Variants in IQSEC1 observed in about 807,000 individuals in gnomAD.
IQSEC1 encodes the protein IQ motif and SEC7 domain-containing protein 1.
A neutral mutation model predicts 91.0 loss-of-function variants in IQSEC1; 31 were observed. The observed-to-expected ratio is 0.34, with a 90% confidence interval of 0.26 to 0.46. The LOEUF is 0.46. Among genes scored for constraint, IQSEC1 ranks in the 20% least tolerant of loss-of-function variants. The pLI is 1.00. For synonymous variants in IQSEC1, 699 were observed against 662.6 expected (o/e 1.05, Z -0.84); for missense variants, 1,388 against 1,575.6 (o/e 0.88, Z 2.02).
At chr3:13,112,054 C>T (rs1488749203) in intron 2 of IQSEC1, among the ~76,000 whole-genome samples, 2 of 152,216 alleles carry the variant, frequency 1.3e-5, no homozygotes, top group Non-Finnish European at 2.9e-5. Context: ...CCGCTTTGCA[C>T]ACGCTGTTCC....
At chr3:13,022,909 GC>G (rs572605007) in intron 1 of IQSEC1, among the ~76,000 whole-genome samples, 34 of 152,384 alleles carry the variant, frequency 2.2e-4, no homozygotes, top group African/African-American at 4.3e-4. Context: ...GGCGTGGTCA[GC>G]CCCCTCCGGC....
chr3:13,073,149 G>A lies in IQSEC1; in HGVS notation c.-135C>T, dbSNP rs977592507. 4.7e-6 allele frequency: 5 copies of A among 1,058,014 alleles called. No individual in the cohort carries two copies. Among genetic ancestry groups the A allele is most frequent in the Admixed American group, 2.1e-5 (1 of 48,126 alleles). The allele number at this position is 1,058,014 out of a possible 1,614,324, so 65.5% of individuals were successfully genotyped here. A position where few individuals can be genotyped will look rare whatever the true frequency, so the allele number is the denominator to read the frequency against. ...AAATCGCGGGGCGAGTCACATTCCC[G>A]GGGGTGGCGGGCTCCTCCAGGGAGG... On this transcript the variant is annotated 5_prime_UTR_variant, in exon 1 of 14. Transcript: ENST00000613206.
upstream of IQSEC1, among the ~76,000 whole-genome samples, chr3:13,075,028 C>T (rs935652943): frequency 6.6e-6 from 1 of 152,154 alleles, no homozygotes; most frequent in Non-Finnish European, 1.5e-5. Flanking sequence ...AACTGCATGA[C>T]GCTTCCCGAT....
Position 12,935,156 on chromosome 3 carries a change from G to T in IQSEC1, c.1568+292C>A, listed in dbSNP as rs3773325. On this transcript the variant is annotated intron_variant, in intron 3 of 13. Transcript: ENST00000613206. The surrounding 1 kb of genome is among the most constrained non-coding windows in gnomAD (Gnocchi z 8.0). ...TACCCCACTTGCTATGGCGGACTTG[G>T]GGGGGATGGGACGGAAGGGCCCGGG... 1.3e-5 allele frequency among the ~76,000 whole-genome samples: 2 copies of T among 152,108 alleles called. No individual in the cohort carries two copies. The highest frequency in any genetic ancestry group is 4.8e-5 in the African/African-American group (2 of 41,438).
In IQSEC1 at chr3:12,936,484, A is replaced by C. The variant is rs1379438887; in HGVS notation, c.532T>G (p.Phe178Val). 1 of 1,612,904 alleles carries C rather than the reference A, an allele frequency of 6.2e-7. No homozygotes were observed. The highest frequency in any genetic ancestry group is 8.5e-7 in the Non-Finnish European group (1 of 1,179,568). ...EGPEKVHSSY[F>V]EGKQVSVTND... ...GTCACTGAGACCTGCTTCCCCTCGA[A>C]GTAGGAGCTGTGCACTTTCTCAGGC... is the stretch of plus-strand genomic sequence containing the variant. The change falls in exon 3 of 14, where the codon TTC becomes GTC. Residue 178 changes from phenylalanine to valine, a missense_variant. By Grantham distance (50) the Phe-to-Val change is conservative. Coordinates refer to ENST00000613206, the MANE Select transcript of IQSEC1 (RefSeq NM_001134382.3).
intron 1 of IQSEC1, among the ~76,000 whole-genome samples, chr3:13,037,869 AGTTAGT>A: frequency 6.6e-6 from 1 of 152,102 alleles, no homozygotes; most frequent in East Asian, 1.9e-4. Flanking sequence ...GGGAGGGGGG[AGTTAGT>A]GTTTAACGGG....
intron 1 of IQSEC1, among the ~76,000 whole-genome samples, chr3:13,281,960 A>C (rs1017890211): frequency 5.3e-5 from 8 of 152,140 alleles, no homozygotes; most frequent in African/African-American, 1.4e-4. Flanking sequence ...CCACACGGTG[A>C]GGCTGCTCCG....
At chr3:12,905,483 A>G (rs1213951046) in intron 12 of IQSEC1, among the ~76,000 whole-genome samples, 1 of 152,262 alleles carries the variant, frequency 6.6e-6, no homozygotes, top group Non-Finnish European at 1.5e-5. Context: ...CTTTCCATGC[A>G]TCGACTCCTT....
At chr3:13,163,179 G>A (rs1405211142) in intron 2 of IQSEC1, among the ~76,000 whole-genome samples, 1 of 152,088 alleles carries the variant, frequency 6.6e-6, no homozygotes, top group Non-Finnish European at 1.5e-5. Flanking sequence ...CCACCCAAGA[G>A]GCTCCCTGGG....
chr3:13,160,578 C>T (rs1707157247), intron 2 of IQSEC1, among the ~76,000 whole-genome samples: 1 of 152,214 alleles, frequency 6.6e-6, no homozygotes, highest in Non-Finnish European at 1.5e-5. Flanking sequence ...AATCTCTGCC[C>T]ATTAATTTTA....
In IQSEC1 at chr3:12,900,443, C is replaced by G. The variant is rs916124040; in HGVS notation, c.*540G>C. ...GCCTGCCTTTCACACACAAGTACTACCTATACAGTATATATATATATATAT... is the reference window on the plus strand; with the variant it reads ...GCCTGCCTTTCACACACAAGTACTAGCTATACAGTATATATATATATATAT... On this transcript the variant is annotated 3_prime_UTR_variant, in exon 14 of 14. Transcript: ENST00000613206. 1 of 825,210 alleles carries G rather than the reference C, an allele frequency of 1.2e-6. No individual in the cohort carries two copies. Among genetic ancestry groups the G allele is most frequent in the Non-Finnish European group, 1.5e-6 (1 of 686,238 alleles). 51.1% of individuals were successfully genotyped at this position (825,210 alleles called of 1,614,324 possible).
At chr3:13,070,831 G>A (rs543987557) in intron 1 of IQSEC1, among the ~76,000 whole-genome samples, 47 of 152,362 alleles carry the variant, frequency 3.1e-4, no homozygotes, top group Middle Eastern at 3.4e-3. Context: ...CCTCTCTTAG[G>A]CAGGAAGGCT....
intron 1 of IQSEC1, among the ~76,000 whole-genome samples, chr3:13,043,130 C>T (rs6764646): frequency 0.13 from 19,054 of 152,116 alleles, 2,198 homozygotes; most frequent in African/African-American, 0.31. Context: ...CATTGGCTGC[C>T]GGCAGGGGAA....
intron 1 of IQSEC1, among the ~76,000 whole-genome samples, chr3:13,220,633 G>A (rs1001823448): frequency 1.3e-5 from 2 of 152,186 alleles, no homozygotes; most frequent in Admixed American, 6.5e-5. Flanking sequence ...CACGGCCATC[G>A]CTGACTTGCT....
intron 1 of IQSEC1, among the ~76,000 whole-genome samples, chr3:12,949,428 C>G (rs1387576015): frequency 6.6e-6 from 1 of 152,244 alleles, no homozygotes; most frequent in African/African-American, 2.4e-5. Context: ...ATGCCAGCAG[C>G]CTCAGGCCAG....
chr3:13,253,782 C>A (rs1174263562), intron 1 of IQSEC1, among the ~76,000 whole-genome samples: 1 of 152,120 alleles, frequency 6.6e-6, no homozygotes, highest in East Asian at 1.9e-4. Context: ...GGACAAAAGG[C>A]CACGGTTTTA....
chr3:12,937,395 C>T (rs1698298341), intron 2 of IQSEC1, among the ~76,000 whole-genome samples: 1 of 152,234 alleles, frequency 6.6e-6, no homozygotes, highest in Non-Finnish European at 1.5e-5. Context: ...GGCTAAAGAT[C>T]CCAGCAAGGC....
At chr3:13,263,108 G>A (rs898304874) in intron 1 of IQSEC1, among the ~76,000 whole-genome samples, 1 of 152,156 alleles carries the variant, frequency 6.6e-6, no homozygotes, top group African/African-American at 2.4e-5. Flanking sequence ...AAATTAACTG[G>A]GTGCAGTGGT....
Position 13,073,264 on chromosome 3 carries a change from A to T in IQSEC1, c.-250T>A. On this transcript the variant is annotated 5_prime_UTR_variant, in exon 1 of 14. Coordinates refer to ENST00000613206, the MANE Select transcript of IQSEC1 (RefSeq NM_001134382.3). ...CTCACACCGTGCCCAGGAGCGAGCG[A>T]GGACGTCGAGTAACCGTGGTCGCCA... 4 of 558,792 alleles carry T rather than the reference A, an allele frequency of 7.2e-6. No homozygotes were observed. In the South Asian group the frequency reaches 8.5e-5, roughly 12 times the overall value. 34.6% of individuals were successfully genotyped at this position (558,792 alleles called of 1,614,324 possible). A position where few individuals can be genotyped will look rare whatever the true frequency, so the allele number is the denominator to read the frequency against.
Sources: gnomAD v4.1 joint callset for allele counts (sites outside exome capture counted in the v4.1 genomes callset) on GRCh38, gnomAD v4.1.1 for gene constraint, Gnocchi (gnomAD v3.1) non-coding constraint, MANE v1.5 for transcripts, NCBI Gene and HGNC (gene_info 2026-07-23, HGNC 2026-07-21) for gene names.